Variants in MAGI1 observed in about 807,000 individuals in gnomAD.
MAGI1 encodes the protein membrane associated guanylate kinase, WW and PDZ domain containing 1.
A neutral mutation model predicts 139.9 loss-of-function variants in MAGI1; 58 were observed. That is an observed-to-expected ratio of 0.41 (90% CI 0.34 to 0.52). The LOEUF is 0.52. Ranked by LOEUF, MAGI1 falls within the 20% of genes least tolerant of loss-of-function variation. MAGI1 has a pLI of 0.12. For missense variants in MAGI1, 1,874 were observed against 1,901.6 expected, an observed-to-expected ratio of 0.99 and a Z score of 0.27; for synonymous variants, 812 against 737.9, an observed-to-expected ratio of 1.10 and a Z score of -1.63.
chr3:65,988,810 C>T (rs2066015930), intron 1 of MAGI1, among the ~76,000 whole-genome samples: 2 of 152,126 alleles, frequency 1.3e-5, no homozygotes, highest in African/African-American at 4.8e-5. Context: ...TGTCCTCAAA[C>T]TTTTCCTATT....
intron 1 of MAGI1, among the ~76,000 whole-genome samples, chr3:65,971,236 T>C (rs1237059728): frequency 6.6e-6 from 1 of 152,158 alleles, no homozygotes. Context: ...ACTATGACAT[T>C]TGATGAATCA....
At chr3:65,939,310 T>A (rs2063201048) in intron 1 of MAGI1, among the ~76,000 whole-genome samples, 1 of 152,130 alleles carries the variant, frequency 6.6e-6, no homozygotes, top group Admixed American at 6.6e-5. Flanking sequence ...AAATGTTTAG[T>A]CCTCATTATT....
chr3:65,806,846 C>T (rs1228146382), intron 1 of MAGI1, among the ~76,000 whole-genome samples: 1 of 152,100 alleles, frequency 6.6e-6, no homozygotes, highest in Non-Finnish European at 1.5e-5. Context: ...CCAGACATTC[C>T]AAATGTCCCC....
At chr3:65,424,436 T>C (rs1276090814) in intron 12 of MAGI1, among the ~76,000 whole-genome samples, 1 of 152,200 alleles carries the variant, frequency 6.6e-6, no homozygotes, top group Non-Finnish European at 1.5e-5. Context: ...TACTGCTCTC[T>C]AGGAATTTTA....
chr3:65,734,575 G>GAC (rs1252260684), intron 1 of MAGI1, among the ~76,000 whole-genome samples: 1 of 150,756 alleles, frequency 6.6e-6, no homozygotes, highest in African/African-American at 2.4e-5. Context: ...GAGAGGGAGA[G>GAC]AGAGAGAGAG....
intron 1 of MAGI1, among the ~76,000 whole-genome samples, chr3:65,687,063 C>T (rs746174859): frequency 5.9e-5 from 9 of 152,244 alleles, no homozygotes; most frequent in African/African-American, 1.9e-4. Flanking sequence ...AACGTGGTCA[C>T]GGAAGAGCAG....
At chr3:66,027,541 C>T (rs746995298) in intron 1 of MAGI1, among the ~76,000 whole-genome samples, 10 of 152,176 alleles carry the variant, frequency 6.6e-5, no homozygotes, top group Non-Finnish European at 1.3e-4. Context: ...GAGTTTGAAT[C>T]TCACCTAGGT....
In MAGI1 at chr3:66,007,810, G is replaced by T. The variant is rs189143701; in HGVS notation, c.313+30186C>A. On this transcript the variant is annotated intron_variant, in intron 1 of 22. Transcript: ENST00000402939. ...TTGCTATACTTTCCTTAGGGCAGAAGAGAAGGAAAGATACTAAATTGGAGG... is the reference window on the plus strand; with the variant it reads ...TTGCTATACTTTCCTTAGGGCAGAATAGAAGGAAAGATACTAAATTGGAGG... Among the ~76,000 whole-genome samples the T allele has an allele frequency of 2.0e-5, 3 of 151,780 alleles. No individual in the cohort carries two copies. The East Asian group carries it at 5.8e-4, about 29-fold the overall frequency.
At position 65,544,845 on chromosome 3, in the gene MAGI1, A is replaced by G. The variant is rs2079422128; in HGVS notation, c.431-51214T>C. ...AGTATGATTAGGGTTATTTCTGAAAACAAACATAATGCAAACCTGATGGGG... is the reference window on the plus strand; with the variant it reads ...AGTATGATTAGGGTTATTTCTGAAAGCAAACATAATGCAAACCTGATGGGG... On this transcript the variant is annotated intron_variant, in intron 2 of 22. Coordinates refer to ENST00000402939, the MANE Select transcript of MAGI1 (RefSeq NM_001033057.2). Among the ~76,000 whole-genome samples the G allele has an allele frequency of 2.6e-5, 4 of 152,238 alleles. No homozygotes were observed. In the South Asian group the frequency reaches 8.3e-4, roughly 31 times the overall value.
intron 1 of MAGI1, among the ~76,000 whole-genome samples, chr3:65,860,615 G>A (rs1179372044): frequency 6.6e-6 from 1 of 152,218 alleles, no homozygotes; most frequent in Non-Finnish European, 1.5e-5. Flanking sequence ...GGCATGCTCA[G>A]CCAGGTGCCA....
intron 2 of MAGI1, among the ~76,000 whole-genome samples, chr3:65,524,670 GA>G (rs1248073922): frequency 6.6e-6 from 1 of 152,170 alleles, no homozygotes; most frequent in Non-Finnish European, 1.5e-5. Flanking sequence ...TGAAAATAGT[GA>G]AGGGCATTGA....
intron 10 of MAGI1, among the ~76,000 whole-genome samples, chr3:65,432,055 A>T (rs1039000741): frequency 6.6e-6 from 1 of 152,098 alleles, no homozygotes; most frequent in African/African-American, 2.4e-5. Flanking sequence ...ATTTCCAAAC[A>T]TGCTACCTAA....
chr3:65,430,874 G>C lies in MAGI1; in HGVS notation c.1371C>G (p.Pro457=), dbSNP rs368660739. 1.9e-6 allele frequency: 3 copies of C among 1,612,824 alleles called. No individual in the cohort carries two copies. The highest frequency in any genetic ancestry group is 2.5e-6 in the Non-Finnish European group (3 of 1,179,504). Residue 457 remains proline, a synonymous_variant, in exon 11 of 23, where the codon CCC becomes CCG. Transcript: ENST00000402939. Reference sequence around the variant, plus strand: ...ACTCAGAAGGGTTTCGTGTAAAAAAGGGTTTGCCTGGATTAAAATAAGAAA... The same window carrying C: ...ACTCAGAAGGGTTTCGTGTAAAAAACGGTTTGCCTGGATTAAAATAAGAAA... ...PAREVPLQGK[P]FFTRNPSELK... is the part of the protein sequence containing the mutation.
At chr3:65,797,692 A>G (rs2040236994) in intron 1 of MAGI1, among the ~76,000 whole-genome samples, 1 of 151,900 alleles carries the variant, frequency 6.6e-6, no homozygotes, top group South Asian at 2.1e-4. Flanking sequence ...CTCCAGCTTG[A>G]GCAACACAGT....
At chr3:65,510,223 T>C (rs551304422) in intron 2 of MAGI1, among the ~76,000 whole-genome samples, 6 of 152,072 alleles carry the variant, frequency 3.9e-5, no homozygotes, top group Admixed American at 6.5e-5. Flanking sequence ...ACAGAAAAAC[T>C]GGAAACTGTA....
chr3:65,359,208 A>C, intron 22 of MAGI1: 2 of 1,601,542 alleles, frequency 1.2e-6, no homozygotes, highest in South Asian at 2.2e-5. Flanking sequence ...GAAAGAGAGA[A>C]AGAGAAAAAG....
intron 1 of MAGI1, among the ~76,000 whole-genome samples, chr3:65,979,385 C>T (rs1009314244): frequency 6.6e-6 from 1 of 152,150 alleles, no homozygotes; most frequent in Non-Finnish European, 1.5e-5. Context: ...GAGCAGTTGG[C>T]TGAAAGCTCG....
chr3:65,494,671 T>C (rs1443302889), intron 2 of MAGI1, among the ~76,000 whole-genome samples: 4 of 152,224 alleles, frequency 2.6e-5, no homozygotes, highest in African/African-American at 9.6e-5. Flanking sequence ...TTTCCCTATG[T>C]CTAGGATCTC....
At chr3:65,992,582 A>T (rs2066239048) in intron 1 of MAGI1, among the ~76,000 whole-genome samples, 1 of 152,192 alleles carries the variant, frequency 6.6e-6, no homozygotes, top group Admixed American at 6.5e-5. Flanking sequence ...TTCCAAGGGG[A>T]TCTTGTTAAA....
Sources: gnomAD v4.1 joint callset for allele counts (sites outside exome capture counted in the v4.1 genomes callset) on GRCh38, gnomAD v4.1.1 for gene constraint, MANE v1.5 for transcripts, NCBI Gene and HGNC (gene_info 2026-07-23, HGNC 2026-07-21) for gene names.